The following NR6A1 variants were observed in gnomAD, a reference collection of about 807,000 sequenced individuals.
The protein encoded by NR6A1 is retinoic acid receptor-related testis-associated receptor.
In NR6A1, 7 loss-of-function variants were observed where a neutral mutation model predicts 59.1. The observed-to-expected ratio is 0.12, with a 90% confidence interval of 0.07 to 0.22. The LOEUF is 0.22. Among genes scored for constraint, NR6A1 ranks in the 10% least tolerant of loss-of-function variants. The pLI, the probability that NR6A1 is intolerant of heterozygous loss-of-function variation, is 1.00. For synonymous variants in NR6A1, 243 were observed against 236.1 expected (o/e 1.03, Z -0.27); for missense variants, 468 against 611.6 (o/e 0.77, Z 2.48).
At chr9:124,682,428 C>T (rs760541120) in intron 2 of NR6A1, among the ~76,000 whole-genome samples, 1 of 152,146 alleles carries the variant, frequency 6.6e-6, no homozygotes, top group Non-Finnish European at 1.5e-5. Context: ...AGATTTTCTT[C>T]ATATACTTTA....
intron 2 of NR6A1, among the ~76,000 whole-genome samples, chr9:124,675,122 G>A (rs1463530877): frequency 6.6e-6 from 1 of 152,186 alleles, no homozygotes; most frequent in Admixed American, 6.5e-5. Context: ...GTCAGAAGAG[G>A]TATCTAAAGA....
At chr9:124,553,249 C>T (rs551108402) in intron 3 of NR6A1, among the ~76,000 whole-genome samples, 1 of 152,326 alleles carries the variant, frequency 6.6e-6, no homozygotes, top group South Asian at 2.1e-4. Flanking sequence ...GGGAATACCA[C>T]TCTAGGCTTC....
intron 2 of NR6A1, among the ~76,000 whole-genome samples, chr9:124,650,150 C>G (rs573936193): frequency 6.6e-6 from 1 of 152,252 alleles, no homozygotes; most frequent in Non-Finnish European, 1.5e-5. Flanking sequence ...ATGTTTATTG[C>G]ACCACTATTC....
Position 124,554,382 on chromosome 9 carries a change from T to C in NR6A1, c.331A>G (p.Arg111Gly), listed in dbSNP as rs1833871347. ...NCVMSRKQRN[R>G]CQYCRLLKCL... ...TTGAGCAGGCGGCAGTACTGGCACCTGTTCCTCTGCTTCCGAGACATGACA... is the reference window on the plus strand; with the variant it reads ...TTGAGCAGGCGGCAGTACTGGCACCCGTTCCTCTGCTTCCGAGACATGACA... The change falls in exon 3 of 10, where the codon AGG becomes GGG. Residue 111 changes from arginine to glycine, a missense_variant. By Grantham distance (125) the Arg-to-Gly change is moderately radical (BLOSUM62 -2). This residue lies in a region of NR6A1 where 66 missense variants were observed against 139.2 expected (regional missense o/e 0.47). Transcript: ENST00000487099. The C allele has an allele frequency of 6.2e-7, 1 of 1,614,196 alleles. No homozygotes were observed. Among genetic ancestry groups the C allele is most frequent in the East Asian group, 2.2e-5 (1 of 44,888 alleles).
intron 7 of NR6A1, among the ~76,000 whole-genome samples, chr9:124,531,802 G>A (rs1271238553): frequency 1.3e-5 from 2 of 152,112 alleles, no homozygotes; most frequent in African/African-American, 2.4e-5. Context: ...TTTTCCACTC[G>A]CTGAAGTCCC....
chr9:124,538,012 T>G lies in NR6A1; in HGVS notation c.824+80A>C, dbSNP rs970912002. The G allele has an allele frequency of 1.4e-5, 16 of 1,176,186 alleles. No homozygotes were observed. In the African/African-American group the frequency reaches 2.3e-4, roughly 17 times the overall value. The allele number at this position is 1,176,186 out of a possible 1,614,324, so 72.9% of individuals were successfully genotyped here. The stretch of plus-strand genomic sequence containing the variant: ...CCAACTCATTCTGAAGCCACGGGTA[T>G]AGGAGCCAGGGACGCGAGTGGGTGT... On this transcript the variant is annotated intron_variant, in intron 6 of 9. Transcript: ENST00000487099.
At chr9:124,732,694 C>T (rs1336991891) in intron 2 of NR6A1, among the ~76,000 whole-genome samples, 4 of 151,384 alleles carry the variant, frequency 2.6e-5, no homozygotes, top group South Asian at 2.1e-4. Context: ...AATGCAAGTA[C>T]GAATTTTTTT....
intron 2 of NR6A1, among the ~76,000 whole-genome samples, chr9:124,572,577 T>C (rs1389011857): frequency 2.0e-5 from 3 of 152,240 alleles, no homozygotes; most frequent in Non-Finnish European, 4.4e-5. Flanking sequence ...CCTGGTTTCT[T>C]GCCCTTTTCG....
chr9:124,641,037 C>G lies in NR6A1; in HGVS notation c.143-86467G>C, dbSNP rs149317631. Reference sequence around the variant, plus strand: ...AACCATTTACATGGGTCTTACCACCCCCATTTTATAGATAATAAATAAAAC... The same window carrying G: ...AACCATTTACATGGGTCTTACCACCGCCATTTTATAGATAATAAATAAAAC... On this transcript the variant is annotated intron_variant, in intron 2 of 9. Coordinates refer to ENST00000487099, the MANE Select transcript of NR6A1 (RefSeq NM_033334.4). Among the ~76,000 whole-genome samples, 459 of 152,192 alleles carry G rather than the reference C, an allele frequency of 3.0e-3. 3 individuals carry two copies. Among genetic ancestry groups the G allele is most frequent in the African/African-American group, 0.011 (440 of 41,502 alleles).
At chr9:124,541,176 C>T (rs1406908643) in intron 4 of NR6A1, among the ~76,000 whole-genome samples, 1 of 151,932 alleles carries the variant, frequency 6.6e-6, no homozygotes, top group Non-Finnish European at 1.5e-5. Flanking sequence ...AGGAAACAAT[C>T]AACAGGGTAA....
rs146952504 is a variant in NR6A1, at chr9:124,566,440, G to C, written c.143-11870C>G. ...AACACAGCAGAGCACTCCAAGAAAG[G>C]GAAATGATATCAGCAACGGCAAAAG... On this transcript the variant is annotated intron_variant, in intron 2 of 9. Transcript: ENST00000487099. Among the ~76,000 whole-genome samples the C allele has an allele frequency of 2.7e-3, 405 of 152,210 alleles. 3 individuals are homozygous for C. Among genetic ancestry groups the C allele is most frequent in the African/African-American group, 8.6e-3 (356 of 41,522 alleles).
At chr9:124,729,322 C>T (rs1839818502) in intron 2 of NR6A1, among the ~76,000 whole-genome samples, 1 of 151,962 alleles carries the variant, frequency 6.6e-6, no homozygotes, top group Non-Finnish European at 1.5e-5. Context: ...ATGAAAGAAA[C>T]AAGTTTTGAT....
At chr9:124,660,124 C>T (rs1167444109) in intron 2 of NR6A1, among the ~76,000 whole-genome samples, 1 of 152,090 alleles carries the variant, frequency 6.6e-6, no homozygotes, top group Non-Finnish European at 1.5e-5. Flanking sequence ...GATAACTATG[C>T]TATAATAAAT....
intron 2 of NR6A1, among the ~76,000 whole-genome samples, chr9:124,651,078 CAG>C (rs1837088137): frequency 6.6e-6 from 1 of 152,124 alleles, no homozygotes; most frequent in Non-Finnish European, 1.5e-5. Context: ...CTTTTTGAGA[CAG>C]AGTCTCACTC....
intron 1 of NR6A1, among the ~76,000 whole-genome samples, chr9:124,745,463 G>A (rs1840300926): frequency 6.6e-6 from 1 of 152,072 alleles, no homozygotes; most frequent in African/African-American, 2.4e-5. Context: ...CCTGAGGTCG[G>A]GAGTTTGAGA....
intron 2 of NR6A1, among the ~76,000 whole-genome samples, chr9:124,726,446 G>C (rs1297684958): frequency 6.6e-6 from 1 of 152,190 alleles, no homozygotes; most frequent in Non-Finnish European, 1.5e-5. Flanking sequence ...CTTTAGATTG[G>C]AGGAAGTGGA....
chr9:124,757,293 A>G (rs929029861), intron 1 of NR6A1, among the ~76,000 whole-genome samples: 1 of 152,128 alleles, frequency 6.6e-6, no homozygotes, highest in African/African-American at 2.4e-5. Flanking sequence ...GAAAAAATAA[A>G]ACCTATCTAA....
intron 2 of NR6A1, among the ~76,000 whole-genome samples, chr9:124,644,268 C>CTTTTTTTT (rs1388547775): frequency 4.3e-5 from 1 of 23,042 alleles, no homozygotes; most frequent in African/African-American, 1.4e-4. Context: ...AAGATTAAGT[C>CTTTTTTTT]TTCTTTTTTT....
chr9:124,668,196 A>G (rs922610118), intron 2 of NR6A1, among the ~76,000 whole-genome samples: 3 of 152,236 alleles, frequency 2.0e-5, no homozygotes, highest in Non-Finnish European at 4.4e-5. Flanking sequence ...TAAGAAAATC[A>G]TAAGGAACAC....
Sources: allele counts gnomAD v4.1 joint callset (sites outside exome capture counted in the v4.1 genomes callset), GRCh38; gene constraint gnomAD v4.1.1; regional missense constraint gnomAD v4.1.1; transcripts MANE v1.5; gene names NCBI Gene and HGNC (gene_info 2026-07-23, HGNC 2026-07-21).